The following UTRN variants were observed in gnomAD, a reference collection of about 807,000 sequenced individuals.
The protein encoded by UTRN is utrophin.
UTRN carries 283 observed loss-of-function variants against 463.9 expected under a neutral mutation model. That is an observed-to-expected ratio of 0.61 (90% CI 0.55 to 0.67). The LOEUF is 0.67. UTRN is among the 30% of genes least tolerant of loss of function. The pLI is 0.00. For missense variants in UTRN, 3,922 were observed against 4,084.3 expected (o/e 0.96, Z 1.08); for synonymous variants, 1,442 against 1,431.5 (o/e 1.01, Z -0.17).
intron 2 of UTRN, among the ~76,000 whole-genome samples, chr6:144,318,759 T>C (rs1322108205): frequency 6.6e-6 from 1 of 152,092 alleles, no homozygotes; most frequent in African/African-American, 2.4e-5. Flanking sequence ...CCACTGCACC[T>C]GGCCTATAAT....
At chr6:144,585,732 T>A in intron 51 of UTRN, among the ~76,000 whole-genome samples, 1 of 152,130 alleles carries the variant, frequency 6.6e-6, no homozygotes, top group Non-Finnish European at 1.5e-5. Context: ...GGGTTTGACA[T>A]TTATTTGCTT....
At chr6:144,290,707 T>C (rs1200686809) in intron 1 of UTRN, among the ~76,000 whole-genome samples, 2 of 151,706 alleles carry the variant, frequency 1.3e-5, no homozygotes, top group Non-Finnish European at 2.9e-5. Flanking sequence ...TAGTCTTCAC[T>C]GGTTCCCCAC....
chr6:144,562,295 A>C (rs73600166), intron 50 of UTRN, among the ~76,000 whole-genome samples: 31,730 of 152,078 alleles, frequency 0.21, 3,517 homozygotes, highest in South Asian at 0.31. Flanking sequence ...TGCATCTATC[A>C]ACCCATTACC....
At chr6:144,758,922 T>C (rs1792321593) in intron 58 of UTRN, among the ~76,000 whole-genome samples, 1 of 152,098 alleles carries the variant, frequency 6.6e-6, no homozygotes, top group South Asian at 2.1e-4. Context: ...AAGTTTCCTT[T>C]TTATCATTTC....
At chr6:144,402,248 T>A (rs1464385907) in intron 2 of UTRN, among the ~76,000 whole-genome samples, 2 of 152,214 alleles carry the variant, frequency 1.3e-5, no homozygotes, top group African/African-American at 4.8e-5. Context: ...ACAATACTCT[T>A]GCAAGCTAGG....
At position 144,564,783 on chromosome 6, in the gene UTRN, C is replaced by A. The variant is rs562546360; in HGVS notation, c.7289+7472C>A. Among the ~76,000 whole-genome samples the A allele has an allele frequency of 4.6e-5, 7 of 152,240 alleles. No homozygotes were observed. The South Asian group carries it at 1.5e-3, about 32-fold the overall frequency. ...CATTATCCAATTATGTCCACCTGGTCTCTCCCTTGACACATGGGGATATAG... is the reference window on the plus strand; with the variant it reads ...CATTATCCAATTATGTCCACCTGGTATCTCCCTTGACACATGGGGATATAG... On this transcript the variant is annotated intron_variant, in intron 50 of 74. Coordinates refer to ENST00000367545, the MANE Select transcript of UTRN (RefSeq NM_007124.3).
chr6:144,743,210 T>C (rs941050230), intron 54 of UTRN, among the ~76,000 whole-genome samples: 3 of 152,156 alleles, frequency 2.0e-5, no homozygotes, highest in Non-Finnish European at 4.4e-5. Context: ...AAGAAAACAT[T>C]CTTGACATTG....
intron 51 of UTRN, among the ~76,000 whole-genome samples, chr6:144,627,220 A>G (rs1456771247): frequency 6.6e-6 from 1 of 152,172 alleles, no homozygotes; most frequent in African/African-American, 2.4e-5. Flanking sequence ...GATGTTGGGT[A>G]CAGTTGTGCT....
chr6:144,746,411 A>G (rs1227898206), intron 54 of UTRN, among the ~76,000 whole-genome samples: 1 of 152,130 alleles, frequency 6.6e-6, no homozygotes, highest in African/African-American at 2.4e-5. Context: ...GACATGTTGC[A>G]TGTTTTAGGG....
Position 144,516,707 on chromosome 6 carries a change from G to A in UTRN, c.5404-104G>A, listed in dbSNP as rs576192836. 10 of 903,488 alleles carry A rather than the reference G, an allele frequency of 1.1e-5. 1 individual carries two copies. The highest frequency in any genetic ancestry group is 1.1e-4 in the African/African-American group (6 of 56,604). The allele number at this position is 903,488 out of a possible 1,614,324, so 56.0% of individuals were successfully genotyped here. On this transcript the variant is annotated intron_variant, in intron 38 of 74. Coordinates refer to ENST00000367545, the MANE Select transcript of UTRN (RefSeq NM_007124.3). Reference sequence around the variant, plus strand: ...ATCGTTCAGGTTAACATATCTTGACGTATACTATACTAAGTAGGTTAGTTT... The same window carrying A: ...ATCGTTCAGGTTAACATATCTTGACATATACTATACTAAGTAGGTTAGTTT...
chr6:144,834,766 A>G (rs1780964824), intron 69 of UTRN, among the ~76,000 whole-genome samples: 1 of 152,164 alleles, frequency 6.6e-6, no homozygotes, highest in Non-Finnish European at 1.5e-5. Flanking sequence ...AGAAGTCTCT[A>G]AGGGATGTTC....
intron 51 of UTRN, among the ~76,000 whole-genome samples, chr6:144,606,191 A>C (rs1804830209): frequency 6.6e-6 from 1 of 152,212 alleles, no homozygotes; most frequent in African/African-American, 2.4e-5. Context: ...TTGGGAAGTT[A>C]AACAACTGAT....
intron 74 of UTRN, among the ~76,000 whole-genome samples, chr6:144,849,486 T>C (rs1483032111): frequency 6.6e-6 from 1 of 152,124 alleles, no homozygotes; most frequent in Non-Finnish European, 1.5e-5. Context: ...AGAAATTGAG[T>C]TTACAAAGAG....
chr6:144,783,012 G>A (rs755225278), intron 61 of UTRN, among the ~76,000 whole-genome samples: 2 of 151,828 alleles, frequency 1.3e-5, no homozygotes, highest in African/African-American at 4.8e-5. Flanking sequence ...CCTGACCAAC[G>A]TGGTGAAACC....
At chr6:144,680,623 A>G (rs1163646365) in intron 52 of UTRN, among the ~76,000 whole-genome samples, 3 of 152,142 alleles carry the variant, frequency 2.0e-5, no homozygotes, top group Non-Finnish European at 4.4e-5. Context: ...TGTAGTCCCT[A>G]CCCCTAGAGG....
intron 23 of UTRN, among the ~76,000 whole-genome samples, chr6:144,466,477 G>A (rs1006623113): frequency 2.0e-5 from 3 of 152,118 alleles, no homozygotes; most frequent in African/African-American, 7.2e-5. Context: ...ACATTCTTAA[G>A]TTCTTTTTAT....
intron 18 of UTRN, among the ~76,000 whole-genome samples, 196 bp downstream of exon 18, chr6:144,451,689 T>TGG (rs1562421058): frequency 3.3e-5 from 5 of 149,612 alleles, no homozygotes; most frequent in African/African-American, 1.2e-4. Flanking sequence ...TGGAGGACGT[T>TGG]TTTTTTTTTT....
intron 2 of UTRN, among the ~76,000 whole-genome samples, chr6:144,304,608 G>T (rs1805550571): frequency 6.6e-6 from 1 of 152,182 alleles, no homozygotes; most frequent in Admixed American, 6.5e-5. Context: ...CTGAAAGAAT[G>T]AGTGGGGATG....
chr6:144,553,721 G>C (rs995947578), intron 48 of UTRN, among the ~76,000 whole-genome samples: 4 of 152,080 alleles, frequency 2.6e-5, no homozygotes, highest in African/African-American at 9.7e-5. Context: ...TCGAGACCTG[G>C]CCAACATGGG....
Sources: gnomAD v4.1 joint callset for allele counts (sites outside exome capture counted in the v4.1 genomes callset) on GRCh38, gnomAD v4.1.1 for gene constraint, MANE v1.5 for transcripts, NCBI Gene and HGNC (gene_info 2026-07-23, HGNC 2026-07-21) for gene names.